Variants in BAG4 observed in about 807,000 individuals in gnomAD.
BAG4 encodes BAG family molecular chaperone regulator 4.
In BAG4, 28 loss-of-function variants were observed where a neutral mutation model predicts 52.1. The ratio of observed to expected loss-of-function variants is 0.54; its 90% confidence interval spans 0.40 to 0.74. The LOEUF (loss-of-function observed/expected upper bound fraction) is 0.74. Among genes scored for constraint, BAG4 ranks in the 30% least tolerant of loss-of-function variants. The probability of loss-of-function intolerance (pLI) is 0.00; values close to 1 mark genes in which losing one functional copy is unlikely to be tolerated. For synonymous variants in BAG4, 208 were observed against 217.0 expected, an observed-to-expected ratio of 0.96 and a Z score of 0.37; for missense variants, 525 against 572.0, an observed-to-expected ratio of 0.92 and a Z score of 0.84.
chr8:38,200,782 C>CAA (rs1436543210), intron 2 of BAG4, among the ~76,000 whole-genome samples: 2 of 151,838 alleles, frequency 1.3e-5, no homozygotes, highest in African/African-American at 4.8e-5. Context: ...ATTTTTAGTA[C>CAA]AGATGGGGTT....
Position 38,207,669 on chromosome 8 carries a change from G to A in BAG4, c.536G>A (p.Ser179Asn). The part of the protein sequence containing the change: ...VPSTYRSSGN[S>N]PTPVSRWIYP... Reference sequence around the variant, plus strand: ...AGTACTTACCGTTCATCTGGCAACAGCCCAACTCCAGTCTCTCGTTGGATC... The same window carrying A: ...AGTACTTACCGTTCATCTGGCAACAACCCAACTCCAGTCTCTCGTTGGATC... The change falls in exon 3 of 5, where the codon AGC becomes AAC. Residue 179 changes from serine to asparagine, a missense_variant. By Grantham distance (46) the Ser-to-Asn change is conservative. Coordinates refer to ENST00000287322, the MANE Select transcript of BAG4 (RefSeq NM_004874.4). The A allele has an allele frequency of 6.2e-7, 1 of 1,614,106 alleles. No individual in the cohort carries two copies. The highest frequency in any genetic ancestry group is 8.5e-7 in the Non-Finnish European group (1 of 1,179,990).
At position 38,207,735 on chromosome 8, in the gene BAG4, G is replaced by C; in HGVS notation, c.602G>C (p.Arg201Thr). 2 of 1,614,132 alleles carry C rather than the reference G, an allele frequency of 1.2e-6. No individual in the cohort carries two copies. The highest frequency in any genetic ancestry group is 1.7e-6 in the Non-Finnish European group (2 of 1,180,018). The change falls in exon 3 of 5, where the codon AGG becomes ACG. Residue 201 changes from arginine (R) to threonine (T), a missense_variant. Around this residue, in one of 2 missense-constraint regions of BAG4, gnomAD observed 287 missense variants for 266.1 expected, o/e 1.08. Transcript: ENST00000287322. The stretch of plus-strand genomic sequence containing the variant: ...TGTCAGACTGAAGCACCCCCTCTTA[G>C]GGGGCAGGTTCCAGGATATCCGCCT... ...QDCQTEAPPL[R>T]GQVPGYPPSQ...
chr8:38,192,644 T>A, intron 1 of BAG4, 44 bp from the exon 2 acceptor site: 1 of 1,426,976 alleles, frequency 7.0e-7, no homozygotes, highest in Non-Finnish European at 9.7e-7. Flanking sequence ...TAAAATGATG[T>A]ATGAATGTTA....
chr8:38,177,214 A>G (rs943490616), intron 1 of BAG4, 75 bp downstream of exon 1: 14 of 1,570,410 alleles, frequency 8.9e-6, no homozygotes, highest in East Asian at 2.3e-5. Context: ...ATCGGGTTTC[A>G]TACTTGTTTT....
chr8:38,178,096 G>T (rs1425667744), intron 1 of BAG4, among the ~76,000 whole-genome samples: 1 of 151,776 alleles, frequency 6.6e-6, no homozygotes, highest in East Asian at 1.9e-4. Context: ...CATAAAGCTT[G>T]TCCGCCCATG....
intron 2 of BAG4, among the ~76,000 whole-genome samples, chr8:38,204,667 A>G (rs1803738955): frequency 6.6e-6 from 1 of 151,736 alleles, no homozygotes; most frequent in African/African-American, 2.4e-5. Flanking sequence ...AAACAAAAAC[A>G]ACGCCTGTGA....
chr8:38,194,930 C>G (rs1803539823), intron 2 of BAG4, among the ~76,000 whole-genome samples: 1 of 147,222 alleles, frequency 6.8e-6, no homozygotes, highest in African/African-American at 2.5e-5. Flanking sequence ...CCTCGGCTCA[C>G]TGCAAGCTCT....
chr8:38,177,889 A>C (rs1005509883), intron 1 of BAG4, among the ~76,000 whole-genome samples: 2 of 152,138 alleles, frequency 1.3e-5, no homozygotes, highest in African/African-American at 4.8e-5. Flanking sequence ...CGGTGGCAGC[A>C]TACCTCTCTG....
intron 1 of BAG4, among the ~76,000 whole-genome samples, chr8:38,182,663 T>C (rs1015024345): frequency 6.6e-6 from 1 of 152,208 alleles, no homozygotes; most frequent in East Asian, 1.9e-4. Context: ...TAACTTAGTT[T>C]ATAGAATAGA....
chr8:38,203,485 G>A (rs535594237), intron 2 of BAG4, among the ~76,000 whole-genome samples: 8 of 151,822 alleles, frequency 5.3e-5, no homozygotes, highest in Non-Finnish European at 1.0e-4. Context: ...GGGTTTCACC[G>A]TGTTAGCCAG....
intron 1 of BAG4, among the ~76,000 whole-genome samples, chr8:38,188,524 A>G: frequency 6.6e-6 from 1 of 151,648 alleles, no homozygotes; most frequent in East Asian, 1.9e-4. Flanking sequence ...AAAAATATGT[A>G]CTACTTTTAT....
intron 2 of BAG4, among the ~76,000 whole-genome samples, chr8:38,196,268 T>C (rs1803558286): frequency 1.3e-5 from 2 of 152,180 alleles, no homozygotes; most frequent in Admixed American, 1.3e-4. Flanking sequence ...CAAACGGTTT[T>C]CCAAAGGGAT....
At chr8:38,182,159 C>A (rs773679984) in intron 1 of BAG4, among the ~76,000 whole-genome samples, 1 of 151,856 alleles carries the variant, frequency 6.6e-6, no homozygotes, top group Non-Finnish European at 1.5e-5. Context: ...TGGAAGAGAT[C>A]CAAATGAGTT....
intron 2 of BAG4, among the ~76,000 whole-genome samples, chr8:38,206,884 A>T (rs1803776458): frequency 6.6e-6 from 1 of 151,726 alleles, no homozygotes. Context: ...GGGCTCAAGC[A>T]ATCCTCTCAC....
chr8:38,180,930 AATCT>A (rs1803253521), intron 1 of BAG4, among the ~76,000 whole-genome samples: 1 of 151,580 alleles, frequency 6.6e-6, no homozygotes, highest in Non-Finnish European at 1.5e-5. Context: ...AAAAATTAGA[AATCT>A]ATCACTATTT....
At chr8:38,185,854 C>T (rs1439698194) in intron 1 of BAG4, among the ~76,000 whole-genome samples, 6 of 152,120 alleles carry the variant, frequency 3.9e-5, no homozygotes, top group Non-Finnish European at 8.8e-5. Context: ...TGAGCCACCG[C>T]GCCTGGCCAT....
intron 2 of BAG4, among the ~76,000 whole-genome samples, chr8:38,193,591 G>T (rs551989242): frequency 7.2e-5 from 11 of 151,806 alleles, no homozygotes; most frequent in Middle Eastern, 3.4e-3. Context: ...TTTGAAACAG[G>T]GTCATTTTCT....
At chr8:38,206,382 C>G (rs1803770017) in intron 2 of BAG4, among the ~76,000 whole-genome samples, 1 of 151,514 alleles carries the variant, frequency 6.6e-6, no homozygotes, top group Admixed American at 6.6e-5. Flanking sequence ...GATTATTAAA[C>G]TGAGGATTCT....
At chr8:38,179,014 T>C (rs890803828) in intron 1 of BAG4, among the ~76,000 whole-genome samples, 1 of 152,128 alleles carries the variant, frequency 6.6e-6, no homozygotes, top group East Asian at 1.9e-4. Flanking sequence ...TGTTCTAAAA[T>C]CAGTGGTGAT....
Sources: allele counts gnomAD v4.1 joint callset (sites outside exome capture counted in the v4.1 genomes callset), GRCh38; gene constraint gnomAD v4.1.1; regional missense constraint gnomAD v4.1.1; transcripts MANE v1.5; gene names NCBI Gene and HGNC (gene_info 2026-07-23, HGNC 2026-07-21).